The following SPIDR variants were observed in gnomAD, a reference collection of about 807,000 sequenced individuals.
SPIDR encodes DNA repair-scaffolding protein.
Under a neutral mutation model 104.6 loss-of-function variants are expected in SPIDR, and 93 were observed. The ratio of observed to expected loss-of-function variants is 0.89; its 90% CI spans 0.75 to 1.06. SPIDR has a LOEUF of 1.06. SPIDR is among the 50% of genes least tolerant of loss of function. The probability of loss-of-function intolerance (pLI) is 0.00; values close to 1 mark genes in which losing one functional copy is unlikely to be tolerated. For missense variants in SPIDR, 1,154 were observed against 1,111.2 expected (o/e 1.04, Z -0.55); for synonymous variants, 431 against 416.9 (o/e 1.03, Z -0.41).
chr8:47,569,533 A>G (rs1276904784), intron 8 of SPIDR, among the ~76,000 whole-genome samples: 1 of 152,218 alleles, frequency 6.6e-6, no homozygotes, highest in Admixed American at 6.5e-5. Context: ...AGTCTTAATA[A>G]GTTAAAATAT....
At chr8:47,422,612 T>C (rs1217897226) in intron 7 of SPIDR, among the ~76,000 whole-genome samples, 6 of 152,216 alleles carry the variant, frequency 3.9e-5, no homozygotes, top group Non-Finnish European at 7.3e-5. Context: ...CTGCAGCCAC[T>C]GTCCTGCACC....
intron 7 of SPIDR, among the ~76,000 whole-genome samples, chr8:47,418,035 T>C (rs1391110733): frequency 7.9e-5 from 12 of 152,156 alleles, no homozygotes; most frequent in Admixed American, 1.3e-4. Flanking sequence ...AGCCTTGTAG[T>C]ATAGTTTGAA....
At chr8:47,417,312 C>G (rs371667548) in intron 7 of SPIDR, among the ~76,000 whole-genome samples, 1 of 152,144 alleles carries the variant, frequency 6.6e-6, no homozygotes, top group African/African-American at 2.4e-5. Context: ...TTTTAATGAT[C>G]GCCATTCTAA....
chr8:47,472,396 C>T (rs1554721564), intron 8 of SPIDR, among the ~76,000 whole-genome samples: 1 of 152,130 alleles, frequency 6.6e-6, no homozygotes, highest in East Asian at 1.9e-4. Context: ...ATGAGGTGGC[C>T]ACAGAGGGAG....
chr8:47,636,618 C>T (rs890150141), intron 10 of SPIDR, among the ~76,000 whole-genome samples: 6 of 151,878 alleles, frequency 4.0e-5, no homozygotes, highest in African/African-American at 1.2e-4. Context: ...CCCAGGAGTT[C>T]GAGACCAGCC....
At chr8:47,464,399 C>G (rs956897825) in intron 8 of SPIDR, among the ~76,000 whole-genome samples, 1 of 152,144 alleles carries the variant, frequency 6.6e-6, no homozygotes, top group African/African-American at 2.4e-5. Context: ...ACAGCTGTCA[C>G]CAAGGAACCG....
Position 47,279,951 on chromosome 8 carries a change from A to G in SPIDR, c.123A>G (p.Ala41=). The change falls in exon 2 of 20, where the codon GCA becomes GCG. Residue 41 remains alanine (A), a synonymous_variant. Coordinates refer to ENST00000297423, the MANE Select transcript of SPIDR (RefSeq NM_001080394.4). ...VRRAGLRTAG[A]AASLSEAWLR... ...GAGCAGGTCTCAGGACAGCAGGGGC[A>G]GCTGCCTCTCTCTCTGAAGCATGGC... 1.2e-6 allele frequency: 2 copies of G among 1,614,204 alleles called. No homozygotes were observed. The highest frequency in any genetic ancestry group is 4.5e-5 in the East Asian group (2 of 44,882).
intron 10 of SPIDR, among the ~76,000 whole-genome samples, chr8:47,627,798 G>GCTGTCTTTGTGC (rs2066430921): frequency 6.6e-6 from 1 of 152,142 alleles, no homozygotes; most frequent in South Asian, 2.1e-4. Context: ...AGAGCATTTG[G>GCTGTCTTTGTGC]AAAGGGCTGT....
At chr8:47,407,769 G>T in intron 6 of SPIDR, 92 bp from the exon 7 acceptor site, 3 of 640,472 alleles carry the variant, frequency 4.7e-6, no homozygotes, top group Non-Finnish European at 7.8e-6. Flanking sequence ...TTATCTGTTT[G>T]TCTCTGGTTG....
intron 7 of SPIDR, among the ~76,000 whole-genome samples, chr8:47,420,283 A>T (rs1258016421): frequency 6.6e-6 from 1 of 152,120 alleles, no homozygotes; most frequent in East Asian, 1.9e-4. Flanking sequence ...GACTTGCTTT[A>T]TGAGTCTGGG....
chr8:47,322,100 C>T (rs532137243), intron 5 of SPIDR, among the ~76,000 whole-genome samples: 1 of 152,268 alleles, frequency 6.6e-6, no homozygotes, highest in East Asian at 1.9e-4. Flanking sequence ...CAACTAGGAT[C>T]TAATTAAACG....
intron 8 of SPIDR, among the ~76,000 whole-genome samples, chr8:47,504,131 A>G (rs1229552451): frequency 6.6e-6 from 1 of 152,080 alleles, no homozygotes; most frequent in African/African-American, 2.4e-5. Flanking sequence ...GCTCTTCTCG[A>G]GGAGTGTCTT....
intron 8 of SPIDR, among the ~76,000 whole-genome samples, chr8:47,508,162 C>T (rs2081765755): frequency 6.6e-6 from 1 of 152,164 alleles, no homozygotes; most frequent in African/African-American, 2.4e-5. Context: ...AGCATGATGC[C>T]ATCATGTCTT....
intron 11 of SPIDR, among the ~76,000 whole-genome samples, chr8:47,679,718 A>G (rs1030351447): frequency 6.6e-6 from 1 of 152,174 alleles, no homozygotes; most frequent in Non-Finnish European, 1.5e-5. Flanking sequence ...CATCATTACA[A>G]CTGTTCCTTG....
chr8:47,350,607 C>T (rs1313199490), intron 5 of SPIDR, among the ~76,000 whole-genome samples: 3 of 152,194 alleles, frequency 2.0e-5, no homozygotes, highest in Non-Finnish European at 4.4e-5. Flanking sequence ...TGCCACTGTG[C>T]CTGGCCTAAT....
intron 10 of SPIDR, among the ~76,000 whole-genome samples, chr8:47,608,129 G>C (rs182367727): frequency 6.6e-6 from 1 of 152,174 alleles, no homozygotes; most frequent in African/African-American, 2.4e-5. Flanking sequence ...CCCAGCCCCT[G>C]GCAACCACTC....
chr8:47,361,580 A>G (rs1310903067), intron 5 of SPIDR, among the ~76,000 whole-genome samples: 1 of 152,242 alleles, frequency 6.6e-6, no homozygotes, highest in Non-Finnish European at 1.5e-5. Flanking sequence ...GCAGCTGGGA[A>G]CTTGTCAGCA....
intron 7 of SPIDR, among the ~76,000 whole-genome samples, chr8:47,427,753 G>C (rs782233965): frequency 6.6e-6 from 1 of 152,036 alleles, no homozygotes; most frequent in Non-Finnish European, 1.5e-5. Flanking sequence ...GGGTTTCCTC[G>C]GTCTTGTCGC....
At chr8:47,599,227 G>A in intron 10 of SPIDR, 31 bp downstream of exon 10, 1 of 1,609,258 alleles carries the variant, frequency 6.2e-7, no homozygotes, top group South Asian at 1.1e-5. Flanking sequence ...GTGGGGCAGA[G>A]GTGAAGAGTC....
Sources: gnomAD v4.1 joint callset for allele counts (sites outside exome capture counted in the v4.1 genomes callset) on GRCh38, gnomAD v4.1.1 for gene constraint, MANE v1.5 for transcripts, NCBI Gene and HGNC (gene_info 2026-07-23, HGNC 2026-07-21) for gene names.